Variants in TNPO1 observed in about 807,000 individuals in gnomAD.
TNPO1 encodes the protein transportin-1.
In TNPO1, 8 loss-of-function variants were observed where a neutral mutation model predicts 119.5. The observed-to-expected ratio is 0.07, with a 90% CI of 0.04 to 0.12. The LOEUF is 0.12. Among genes scored for constraint, TNPO1 ranks in the 10% least tolerant of loss-of-function variants. The pLI is 1.00. For missense variants in TNPO1, 576 were observed against 1,089.8 expected (o/e 0.53, Z 6.64); for synonymous variants, 362 against 363.0 (o/e 1.00, Z 0.03).
At chr5:72,869,981 C>T (rs1382915914) in intron 6 of TNPO1, among the ~76,000 whole-genome samples, 1 of 152,050 alleles carries the variant, frequency 6.6e-6, no homozygotes, top group African/African-American at 2.4e-5. Context: ...GATCTGATTC[C>T]TTTTATTGGG....
At position 72,816,662 on chromosome 5, in the gene TNPO1, T is replaced by C; in HGVS notation, c.-76T>C. The C allele has an allele frequency of 6.8e-7, 1 of 1,470,802 alleles. No individual in the cohort carries two copies. Among genetic ancestry groups the C allele is most frequent in the Non-Finnish European group, 9.1e-7 (1 of 1,101,274 alleles). 91.1% of individuals were successfully genotyped at this position (1,470,802 alleles called of 1,614,324 possible). On this transcript the variant is annotated 5_prime_UTR_variant, in exon 1 of 25. Transcript: ENST00000337273. ...CTCGGTGAAGCCCAGATTCTCTTTG[T>C]TCCGCAGCCATTTCAGGCCCCGGAC...
At chr5:72,866,383 T>A (rs769783424) in intron 6 of TNPO1, among the ~76,000 whole-genome samples, 3 of 152,198 alleles carry the variant, frequency 2.0e-5, no homozygotes, top group Non-Finnish European at 4.4e-5. Context: ...CCAGGAAGTT[T>A]CCCCCTTTTA....
intron 18 of TNPO1, among the ~76,000 whole-genome samples, chr5:72,894,967 TAACA>T (rs1234551234): frequency 3.9e-5 from 6 of 152,192 alleles, no homozygotes; most frequent in Non-Finnish European, 5.9e-5. Flanking sequence ...AGAAAAAATG[TAACA>T]AACCTCCTAT....
At chr5:72,873,046 C>G (rs1747523970) in intron 7 of TNPO1, among the ~76,000 whole-genome samples, 1 of 151,974 alleles carries the variant, frequency 6.6e-6, no homozygotes, top group African/African-American at 2.4e-5. Context: ...AACCAAGTCC[C>G]TCAGCTCATG....
At chr5:72,848,940 T>C (rs1032842808) in intron 2 of TNPO1, among the ~76,000 whole-genome samples, 5 of 151,638 alleles carry the variant, frequency 3.3e-5, no homozygotes, top group African/African-American at 1.2e-4. Flanking sequence ...TGGAGGGCGC[T>C]CTGTGCGCGG....
chr5:72,894,771 A>G (rs767209820), intron 18 of TNPO1, among the ~76,000 whole-genome samples: 12 of 152,224 alleles, frequency 7.9e-5, no homozygotes, highest in Non-Finnish European at 1.5e-4. Flanking sequence ...CCATTTCTCA[A>G]AAAACTAACA....
chr5:72,863,008 G>A (rs1311565971), intron 5 of TNPO1, among the ~76,000 whole-genome samples: 1 of 151,268 alleles, frequency 6.6e-6, no homozygotes, highest in African/African-American at 2.4e-5. Flanking sequence ...GTGTGTGTGT[G>A]TGTGTGTGTG....
chr5:72,837,985 CTT>C (rs1744756878), intron 1 of TNPO1, among the ~76,000 whole-genome samples: 1 of 152,168 alleles, frequency 6.6e-6, no homozygotes, highest in Admixed American at 6.5e-5. Flanking sequence ...TGCTATGTCT[CTT>C]TTCATAACTG....
At chr5:72,855,263 C>T (rs1017112810) in intron 3 of TNPO1, among the ~76,000 whole-genome samples, 11 of 147,204 alleles carry the variant, frequency 7.5e-5, no homozygotes, top group African/African-American at 1.8e-4. Flanking sequence ...TGAACCACCA[C>T]GCCCAGCCTT....
intron 3 of TNPO1, among the ~76,000 whole-genome samples, chr5:72,855,002 T>C (rs1042443394): frequency 6.6e-6 from 1 of 152,144 alleles, no homozygotes; most frequent in African/African-American, 2.4e-5. Context: ...AAATTTTTTT[T>C]TTGTTTTTGA....
chr5:72,865,798 C>T, intron 6 of TNPO1, 69 bp downstream of exon 6: 1 of 1,464,394 alleles, frequency 6.8e-7, no homozygotes, highest in Non-Finnish European at 9.2e-7. Context: ...GTTTTCATTA[C>T]CTAATATTTT....
intron 11 of TNPO1, among the ~76,000 whole-genome samples, chr5:72,885,625 T>C (rs578207924): frequency 1.3e-5 from 2 of 152,324 alleles, no homozygotes; most frequent in East Asian, 3.9e-4. Flanking sequence ...TTCCTTTTGT[T>C]GCATGTCAGT....
intron 7 of TNPO1, 36 bp downstream of exon 7, chr5:72,872,756 G>A (rs1239634649): frequency 6.9e-7 from 1 of 1,439,422 alleles, no homozygotes; most frequent in Non-Finnish European, 9.5e-7. Flanking sequence ...CAACCCCCCA[G>A]CTTTTTTTTT....
chr5:72,890,040 G>C (rs1748932966), intron 14 of TNPO1, 83 bp downstream of exon 14: 11 of 1,477,954 alleles, frequency 7.4e-6, no homozygotes, highest in Non-Finnish European at 1.0e-5. Flanking sequence ...TGGAAATTAA[G>C]ATGTTTTGGG....
In TNPO1 at chr5:72,897,134, C is replaced by T. The variant is rs1749490407; in HGVS notation, c.2321C>T (p.Thr774Met). 6.2e-7 allele frequency: 1 copy of T among 1,609,310 alleles called. No homozygotes were observed. Among genetic ancestry groups the T allele is most frequent in the Non-Finnish European group, 8.5e-7 (1 of 1,178,250 alleles). ...ATTAACAGACCCAACACACCAAAGA[C>T]GTTGTTAGAGAATACAGGTACCATA... ...EIINRPNTPK[T>M]LLENTAITIG... The change falls in exon 20 of 25, where the codon ACG becomes ATG. Residue 774 changes from threonine to methionine, a missense_variant. By Grantham distance (81) the Thr-to-Met change is moderately conservative (BLOSUM62 -1). This residue lies in a region of TNPO1 where 162 missense variants were observed against 294.1 expected (regional missense o/e 0.55). Coordinates refer to ENST00000337273, the MANE Select transcript of TNPO1 (RefSeq NM_002270.4).
rs1027128495 is a variant in TNPO1 at position 72,912,803 on chromosome 5, G to A, written c.*4130G>A. The A allele has an allele frequency of 6.6e-6, 1 of 152,604 alleles. No homozygotes were observed. Among genetic ancestry groups the A allele is most frequent in the Middle Eastern group, 3.4e-3 (1 of 292 alleles). 9.5% of individuals were successfully genotyped at this position (152,604 alleles called of 1,614,324 possible). A position where few individuals can be genotyped will look rare whatever the true frequency, so the allele number is the denominator to read the frequency against. On this transcript the variant is annotated 3_prime_UTR_variant, in exon 25 of 25. Transcript: ENST00000337273. The stretch of plus-strand genomic sequence containing the variant: ...TTAAGTCCTTTGCCATGAGGAAAAA[G>A]TGGTTTTTTGCTTCATATGGTAAAT...
intron 8 of TNPO1, among the ~76,000 whole-genome samples, chr5:72,876,351 A>G (rs566303532): frequency 1.5e-4 from 23 of 152,342 alleles, no homozygotes; most frequent in African/African-American, 3.1e-4. Context: ...TGTACAGTCT[A>G]TTAGTTGGCA....
At position 72,888,316 on chromosome 5, in the gene TNPO1, C is replaced by T. The variant is rs368401594; in HGVS notation, c.1529+13C>T. On this transcript the variant is annotated intron_variant, in intron 13 of 24. Coordinates refer to ENST00000337273, the MANE Select transcript of TNPO1 (RefSeq NM_002270.4). Reference sequence around the variant, plus strand: ...AAGCTGCCTGCAGGTGGGACAGATTCATAACACAGTGTTCTTTGTGGCAGT... The same window carrying T: ...AAGCTGCCTGCAGGTGGGACAGATTTATAACACAGTGTTCTTTGTGGCAGT... The T allele has an allele frequency of 1.9e-6, 3 of 1,605,776 alleles. No homozygotes were observed. The African/African-American group carries it at 4.0e-5, about 21-fold the overall frequency.
chr5:72,870,841 C>T (rs1747337634), intron 6 of TNPO1, among the ~76,000 whole-genome samples: 1 of 152,046 alleles, frequency 6.6e-6, no homozygotes, highest in African/African-American at 2.4e-5. Flanking sequence ...GATTTAAAGG[C>T]CCTTTAAAAG....
Sources: allele counts gnomAD v4.1 joint callset (sites outside exome capture counted in the v4.1 genomes callset), GRCh38; gene constraint gnomAD v4.1.1; regional missense constraint gnomAD v4.1.1; transcripts MANE v1.5; gene names NCBI Gene and HGNC (gene_info 2026-07-23, HGNC 2026-07-21).